PPP2R2C: variants seen among roughly 807,000 people sequenced by gnomAD.
PPP2R2C encodes protein phosphatase 2 regulatory subunit Bgamma, also known as protein phosphatase 2, regulatory subunit B, gamma.
A neutral mutation model predicts 45.3 loss-of-function variants in PPP2R2C; 10 were observed. The ratio of observed to expected loss-of-function variants is 0.22; its 90% CI spans 0.14 to 0.37. The LOEUF is 0.37. Ranked by LOEUF, PPP2R2C falls within the 10% of genes least tolerant of loss-of-function variation. The pLI is 1.00. For synonymous variants in PPP2R2C, 257 were observed against 245.4 expected, an observed-to-expected ratio of 1.05 and a Z score of -0.44; for missense variants, 308 against 619.7, an observed-to-expected ratio of 0.50 and a Z score of 5.34.
Position 6,324,699 on chromosome 4 carries a change from G to C in PPP2R2C, c.1053-1106C>G, listed in dbSNP as rs1731813428. 6.6e-6 allele frequency among the ~76,000 whole-genome samples: 1 copy of C among 152,210 alleles called. No individual in the cohort carries two copies. The highest frequency in any genetic ancestry group is 6.5e-5 in the Admixed American group (1 of 15,282). On this transcript the variant is annotated intron_variant, in intron 8 of 8. Coordinates refer to ENST00000382599, the MANE Select transcript of PPP2R2C (RefSeq NM_020416.4). The surrounding 1 kb of genome is among the most constrained non-coding windows in gnomAD (Gnocchi z 4.1). ...TCGCTGCCCTCACCGTCCCGCTAAA[G>C]AGAATTCCACACCATTTCTCTGCTC...
chr4:6,348,114 G>C (rs978391579), intron 5 of PPP2R2C, 104 bp from the exon 6 acceptor site: 2 of 1,333,392 alleles, frequency 1.5e-6, no homozygotes, highest in Non-Finnish European at 2.1e-6. Flanking sequence ...GTCCACCCTC[G>C]CGTCTGAGCT....
chr4:6,451,129 G>A (rs540324562), intron 1 of PPP2R2C, among the ~76,000 whole-genome samples: 1 of 152,120 alleles, frequency 6.6e-6, no homozygotes, highest in Non-Finnish European at 1.5e-5. Context: ...ACCCGACACG[G>A]TACCATCACT....
intron 1 of PPP2R2C, among the ~76,000 whole-genome samples, chr4:6,404,678 A>G (rs944044980): frequency 6.6e-6 from 1 of 152,138 alleles, no homozygotes; most frequent in African/African-American, 2.4e-5. Context: ...AGCTGTAGTT[A>G]ACAGATTCCA....
At chr4:6,348,913 G>C (rs948193491) in intron 5 of PPP2R2C, 1 of 818,452 alleles carries the variant, frequency 1.2e-6, no homozygotes, top group African/African-American at 1.9e-5. Flanking sequence ...GCTTGCAAAG[G>C]CAGTATCCCT....
rs1244774431 is a variant in PPP2R2C at position 6,378,107 on chromosome 4, A to G, written c.334+300T>C. Among the ~76,000 whole-genome samples the G allele has an allele frequency of 6.6e-6, 1 of 151,926 alleles. No individual in the cohort carries two copies. The highest frequency in any genetic ancestry group is 1.5e-5 in the Non-Finnish European group (1 of 67,972). The stretch of plus-strand genomic sequence containing the variant: ...AAAGATGGCTCGGATGGCTCTATTC[A>G]CAGCAGGGGGCAGCCCTGTGTCTGG... On this transcript the variant is annotated intron_variant, in intron 3 of 8. Transcript: ENST00000382599. The surrounding 1 kb of genome is among the most constrained non-coding windows in gnomAD (Gnocchi z 5.2).
chr4:6,355,489 G>A (rs1713079339), intron 5 of PPP2R2C, among the ~76,000 whole-genome samples: 2 of 147,956 alleles, frequency 1.4e-5, no homozygotes, highest in Non-Finnish European at 3.0e-5. Flanking sequence ...TGTACAATGT[G>A]CACATGTACC....
Position 6,428,484 on chromosome 4 carries a change from T to G in PPP2R2C, c.70+43676A>C, listed in dbSNP as rs527829992. On this transcript the variant is annotated intron_variant, in intron 1 of 8. Coordinates refer to ENST00000382599, the MANE Select transcript of PPP2R2C (RefSeq NM_020416.4). ...AGTCCGGGAGCTCAGGTGGTTCTTTTTAGAGGGACAGGAGACAGGGAAGAA... is the reference window on the plus strand; with the variant it reads ...AGTCCGGGAGCTCAGGTGGTTCTTTGTAGAGGGACAGGAGACAGGGAAGAA... Among the ~76,000 whole-genome samples the G allele has an allele frequency of 6.6e-5, 10 of 152,284 alleles. No homozygotes were observed. The South Asian group carries it at 1.9e-3, about 28-fold the overall frequency.
At chr4:6,421,540 C>A (rs942102396) in intron 1 of PPP2R2C, among the ~76,000 whole-genome samples, 1 of 152,086 alleles carries the variant, frequency 6.6e-6, no homozygotes, top group South Asian at 2.1e-4. Flanking sequence ...AGGCACTCTG[C>A]GGGCAGCCAA....
At chr4:6,467,466 C>T (rs925688917) in intron 1 of PPP2R2C, among the ~76,000 whole-genome samples, 3 of 152,114 alleles carry the variant, frequency 2.0e-5, no homozygotes, top group African/African-American at 7.2e-5. Flanking sequence ...CCAGATCTCC[C>T]GATGCCAGAT....
intron 1 of PPP2R2C, among the ~76,000 whole-genome samples, chr4:6,444,118 C>T (rs569279102): frequency 1.7e-3 from 256 of 152,288 alleles, no homozygotes; most frequent in African/African-American, 5.8e-3. Flanking sequence ...AGGTTAGAAA[C>T]GCTATGGCCC....
At chr4:6,404,819 C>G (rs987352359) in intron 1 of PPP2R2C, among the ~76,000 whole-genome samples, 1 of 152,162 alleles carries the variant, frequency 6.6e-6, no homozygotes, top group African/African-American at 2.4e-5. Context: ...TGAGACACAA[C>G]GGGCAGAGCA....
intron 2 of PPP2R2C, among the ~76,000 whole-genome samples, chr4:6,511,401 G>GGTA (rs1723463879): frequency 6.6e-6 from 1 of 150,686 alleles, no homozygotes; most frequent in Non-Finnish European, 1.5e-5. Context: ...TGATGGTGGT[G>GGTA]ATGGTGGTGG....
At chr4:6,546,777 A>G (rs1725000455) in intron 1 of PPP2R2C, among the ~76,000 whole-genome samples, 2 of 152,250 alleles carry the variant, frequency 1.3e-5, no homozygotes, top group Non-Finnish European at 2.9e-5. Context: ...TTTCAGCACC[A>G]AGAACAGCGA....
chr4:6,532,649 T>A (rs1053766179), intron 2 of PPP2R2C, among the ~76,000 whole-genome samples: 1 of 152,152 alleles, frequency 6.6e-6, no homozygotes, highest in African/African-American at 2.4e-5. Context: ...AACAGAAATG[T>A]CCAAGGATCA....
chr4:6,562,689 C>T (rs1432667955), intron 1 of PPP2R2C, among the ~76,000 whole-genome samples: 1 of 152,146 alleles, frequency 6.6e-6, no homozygotes, highest in Admixed American at 6.5e-5. Flanking sequence ...CAACCTTGCC[C>T]GCTAAGCAAC....
intron 1 of PPP2R2C, among the ~76,000 whole-genome samples, chr4:6,460,219 A>G (rs1411610090): frequency 6.6e-6 from 1 of 152,230 alleles, no homozygotes; most frequent in Non-Finnish European, 1.5e-5. Context: ...GTGTTTGACA[A>G]AAAGGACCTT....
At position 6,494,493 on chromosome 4, in the gene PPP2R2C, A is replaced by G. The variant is rs183587495; in HGVS notation, c.49+40778T>C. 3.9e-5 allele frequency among the ~76,000 whole-genome samples: 6 copies of G among 152,324 alleles called. No individual in the cohort carries two copies. The East Asian group carries it at 1.2e-3, about 29-fold the overall frequency. The stretch of plus-strand genomic sequence containing the variant: ...CCTACTGGGGCAAGGAGCTGAATGT[A>G]ACACCGAAGCACTGGTCTCCGAGAC... On this transcript the variant is annotated intron_variant, in intron 2 of 9. Transcript: ENST00000506140.
chr4:6,506,421 A>G (rs900748800), intron 2 of PPP2R2C, among the ~76,000 whole-genome samples: 1 of 152,208 alleles, frequency 6.6e-6, no homozygotes, highest in Non-Finnish European at 1.5e-5. Flanking sequence ...GTCACGTGGA[A>G]CACAGCTATG....
upstream of PPP2R2C, among the ~76,000 whole-genome samples, chr4:6,474,047 T>G (rs1041467565): frequency 1.3e-5 from 2 of 152,138 alleles, no homozygotes; most frequent in African/African-American, 4.8e-5. Flanking sequence ...CTGTGCAGAC[T>G]CCATTCAAGG....
Sources: gnomAD v4.1 joint callset for allele counts (sites outside exome capture counted in the v4.1 genomes callset) on GRCh38, gnomAD v4.1.1 for gene constraint, Gnocchi (gnomAD v3.1) non-coding constraint, MANE v1.5 for transcripts, NCBI Gene and HGNC (gene_info 2026-07-23, HGNC 2026-07-21) for gene names.